The following CSMD2 variants were observed in gnomAD, a reference collection of about 807,000 sequenced individuals.
CSMD2 encodes the protein CUB and sushi domain-containing protein 2.
In CSMD2, 130 loss-of-function variants were observed where a neutral mutation model predicts 398.5. The observed-to-expected ratio is 0.33, with a 90% CI of 0.28 to 0.38. CSMD2 has a LOEUF of 0.38. Ranked by LOEUF, CSMD2 falls within the 10% of genes least tolerant of loss-of-function variation. The pLI, the probability that CSMD2 is intolerant of heterozygous loss-of-function variation, is 1.00. For synonymous variants in CSMD2, 1,828 were observed against 1,908.5 expected (o/e 0.96, Z 1.10); for missense variants, 3,829 against 4,764.9 (o/e 0.80, Z 5.78).
chr1:33,546,023 G>A lies in CSMD2; in HGVS notation c.9100+14C>T. ...CTGGGCAAAGGGGAGAAGCAGAATG[G>A]TCACATACATTACCTCCACACTCAG... is the stretch of plus-strand genomic sequence containing the variant. On this transcript the variant is annotated intron_variant, in intron 57 of 70. Coordinates refer to ENST00000373381, the MANE Select transcript of CSMD2 (RefSeq NM_001281956.2). The A allele has an allele frequency of 6.2e-7, 1 of 1,603,592 alleles. No homozygotes were observed. Among genetic ancestry groups the A allele is most frequent in the Non-Finnish European group, 8.5e-7 (1 of 1,172,526 alleles).
At chr1:34,087,859 A>G (rs996236994) in intron 2 of CSMD2, among the ~76,000 whole-genome samples, 1 of 152,134 alleles carries the variant, frequency 6.6e-6, no homozygotes, top group African/African-American at 2.4e-5. Context: ...TGTGGAATGA[A>G]TGATTGAAGA....
At position 33,739,303 on chromosome 1, in the gene CSMD2, G is replaced by A. The variant is rs920282503; in HGVS notation, c.2205C>T (p.Gly735=). The A allele has an allele frequency of 8.1e-6, 13 of 1,613,792 alleles. No homozygotes were observed. The highest frequency in any genetic ancestry group is 6.7e-5 in the Admixed American group (4 of 59,966). The change falls in exon 15 of 71, where the codon GGC becomes GGT. Residue 735 remains glycine, a synonymous_variant. Coordinates refer to ENST00000373381, the MANE Select transcript of CSMD2 (RefSeq NM_001281956.2). ...CAAACCGTTTGCCATTTACTGGAAC[G>A]CCAGGATCCGGGCACTCGTTGTGTC... The part of the protein sequence containing the change: ...TFRHNECPDP[G]VPVNGKRFGD...
At chr1:33,599,982 C>G in intron 44 of CSMD2, 1 of 609,142 alleles carries the variant, frequency 1.6e-6, no homozygotes, top group South Asian at 2.1e-5. Context: ...GTTTCCAGTT[C>G]TATCCACATG....
At chr1:33,538,134 T>G (rs2148583559) in intron 60 of CSMD2, among the ~76,000 whole-genome samples, 1 of 152,364 alleles carries the variant, frequency 6.6e-6, no homozygotes, top group African/African-American at 2.4e-5. Flanking sequence ...TATTGGGCAT[T>G]TTCTATTATA....
At chr1:33,918,347 A>C in intron 4 of CSMD2, 46 bp from the exon 5 acceptor site, 1 of 1,540,140 alleles carries the variant, frequency 6.5e-7, no homozygotes. Flanking sequence ...TCTGGTTTTC[A>C]AGCCCTAGCA....
intron 1 of CSMD2, among the ~76,000 whole-genome samples, chr1:34,100,582 G>A (rs761779584): frequency 2.0e-5 from 3 of 151,966 alleles, no homozygotes; most frequent in Admixed American, 6.6e-5. Context: ...GTCATTTCTC[G>A]GTTTTCTTTT....
chr1:34,089,162 G>A lies in CSMD2; in HGVS notation c.219C>T (p.Pro73=). 1.9e-6 allele frequency: 3 copies of A among 1,614,194 alleles called. No individual in the cohort carries two copies. Among genetic ancestry groups the A allele is most frequent in the Non-Finnish European group, 2.5e-6 (3 of 1,180,030 alleles). ...ACCCTGGGCTCTCAACTGTCCCATTGGGACCGTGCAGTTGGAACGTGCAGT... is the reference window on the plus strand; with the variant it reads ...ACCCTGGGCTCTCAACTGTCCCATTAGGACCGTGCAGTTGGAACGTGCAGT... The part of the protein sequence containing the change: ...GQNCTFQLHG[P]NGTVESPGFP... Residue 73 remains proline, a synonymous_variant, in exon 2 of 71, where the codon CCC becomes CCT. Coordinates refer to ENST00000373381, the MANE Select transcript of CSMD2 (RefSeq NM_001281956.2).
At chr1:33,702,050 C>T (rs1291336743) in intron 22 of CSMD2, among the ~76,000 whole-genome samples, 4 of 152,062 alleles carry the variant, frequency 2.6e-5, no homozygotes, top group Admixed American at 1.3e-4. Flanking sequence ...CAATAAATAC[C>T]GAGGACAGAG....
intron 25 of CSMD2, among the ~76,000 whole-genome samples, chr1:33,680,831 CA>C (rs1644884244): frequency 6.6e-6 from 1 of 151,706 alleles, no homozygotes. Flanking sequence ...TGTGTTAAAC[CA>C]CTGAGATTTG....
intron 3 of CSMD2, among the ~76,000 whole-genome samples, chr1:33,957,133 C>T (rs1206162510): frequency 6.6e-6 from 1 of 151,958 alleles, no homozygotes; most frequent in Non-Finnish European, 1.5e-5. Context: ...TGTCTTATTT[C>T]AAGTCTTTGC....
intron 53 of CSMD2, among the ~76,000 whole-genome samples, chr1:33,563,039 A>G (rs910365900): frequency 3.3e-5 from 5 of 152,234 alleles, no homozygotes; most frequent in African/African-American, 1.2e-4. Context: ...GGGCAGAAGA[A>G]TAAGGCATCA....
intron 44 of CSMD2, among the ~76,000 whole-genome samples, chr1:33,595,918 A>G (rs1200965722): frequency 6.6e-6 from 1 of 152,186 alleles, no homozygotes; most frequent in Non-Finnish European, 1.5e-5. Context: ...GAGCTAAGAA[A>G]TGTATGTGCA....
At chr1:33,720,322 C>T (rs971911693) in intron 19 of CSMD2, among the ~76,000 whole-genome samples, 13 of 152,288 alleles carry the variant, frequency 8.5e-5, no homozygotes, top group Non-Finnish European at 1.5e-4. Flanking sequence ...TGCAAGTTCT[C>T]TACAGTGGAG....
intron 3 of CSMD2, among the ~76,000 whole-genome samples, chr1:33,985,120 C>T (rs1288013361): frequency 6.6e-6 from 1 of 152,142 alleles, no homozygotes; most frequent in Admixed American, 6.5e-5. Context: ...AACGCAATGC[C>T]ACAGCTTCAA....
intron 55 of CSMD2, among the ~76,000 whole-genome samples, chr1:33,555,662 A>G (rs1209684307): frequency 6.6e-6 from 1 of 152,220 alleles, no homozygotes; most frequent in Non-Finnish European, 1.5e-5. Flanking sequence ...GCAGTCATCA[A>G]CATTGAGGCA....
chr1:33,804,814 A>C (rs1656029890), intron 10 of CSMD2: 1 of 717,320 alleles, frequency 1.4e-6, no homozygotes, highest in South Asian at 1.5e-5. Flanking sequence ...CCCAGAAGAC[A>C]ACTTCTATTC....
intron 3 of CSMD2, among the ~76,000 whole-genome samples, chr1:33,974,615 G>A (rs1265752464): frequency 6.6e-6 from 1 of 152,214 alleles, no homozygotes; most frequent in African/African-American, 2.4e-5. Context: ...AGTGGCAGAG[G>A]TGCTTTGCTT....
At chr1:33,843,096 C>A (rs1047731887) in intron 6 of CSMD2, among the ~76,000 whole-genome samples, 1 of 152,224 alleles carries the variant, frequency 6.6e-6, no homozygotes, top group African/African-American at 2.4e-5. Context: ...TCTTATCATG[C>A]TGTACAGAAG....
chr1:33,912,588 C>T (rs947816504), intron 5 of CSMD2, among the ~76,000 whole-genome samples: 2 of 152,072 alleles, frequency 1.3e-5, no homozygotes, highest in African/African-American at 4.8e-5. Flanking sequence ...CCTCCAACCA[C>T]ATGGTCCAGA....
Sources: allele counts gnomAD v4.1 joint callset (sites outside exome capture counted in the v4.1 genomes callset), GRCh38; gene constraint gnomAD v4.1.1; transcripts MANE v1.5; gene names NCBI Gene and HGNC (gene_info 2026-07-23, HGNC 2026-07-21).